AFF1: variants seen among roughly 807,000 people sequenced by gnomAD.
AFF1 encodes ALF transcription elongation factor 1, also known as AF4/FMR2 family member 1.
A neutral mutation model predicts 121.7 loss-of-function variants in AFF1; 48 were observed. The observed-to-expected ratio is 0.39, with a 90% CI of 0.31 to 0.50. The LOEUF (loss-of-function observed/expected upper bound fraction) is 0.50, where lower values mean the gene tolerates loss of function less well. AFF1 is among the 20% of genes least tolerant of loss of function. The probability of loss-of-function intolerance (pLI) is 0.76; values close to 1 mark genes in which losing one functional copy is unlikely to be tolerated. For missense variants in AFF1, 1,523 were observed against 1,511.7 expected, an observed-to-expected ratio of 1.01 and a Z score of -0.12; for synonymous variants, 613 against 563.0, an observed-to-expected ratio of 1.09 and a Z score of -1.26.
intron 2 of AFF1, chr4:86,949,712 C>T (rs886142748): frequency 4.2e-5 from 66 of 1,585,894 alleles, no homozygotes; most frequent in African/African-American, 9.4e-5. Context: ...CGGGTAGTCC[C>T]GGAACTCCTT....
chr4:87,105,248 C>A (rs1339894805), intron 8 of AFF1, among the ~76,000 whole-genome samples: 1 of 152,286 alleles, frequency 6.6e-6, no homozygotes, highest in East Asian at 1.9e-4. Context: ...TATCCCTCCC[C>A]ATTTGTTTTG....
chr4:86,956,912 T>C (rs1346115848), intron 2 of AFF1, among the ~76,000 whole-genome samples: 1 of 152,204 alleles, frequency 6.6e-6, no homozygotes, highest in African/African-American at 2.4e-5. Flanking sequence ...AGGAGAGGAA[T>C]TGCTTGCCTC....
chr4:87,129,729 T>C (rs887703761), intron 16 of AFF1, among the ~76,000 whole-genome samples: 1 of 152,242 alleles, frequency 6.6e-6, no homozygotes, highest in African/African-American at 2.4e-5. Flanking sequence ...TTCTGAAATA[T>C]ACATGTATAC....
At position 87,140,343 on chromosome 4, in the gene AFF1, TTGTG is replaced by T. The variant is rs562150754; in HGVS notation, c.*4650_*4653del. On this transcript the variant is annotated 3_prime_UTR_variant, in exon 21 of 21. Transcript: ENST00000395146. ...CAAGTATACACTGTTCATGTTGGGG[TTGTG>T]TGTGTGTATGTGTGTATGTACGCAC... 4 of 198,358 alleles carry T rather than the reference TTGTG, an allele frequency of 2.0e-5. No individual in the cohort carries two copies. The highest frequency in any genetic ancestry group is 6.1e-5 in the Admixed American group (1 of 16,492). 12.3% of individuals were successfully genotyped at this position (198,358 alleles called of 1,614,324 possible).
At chr4:87,081,913 GA>G (rs887984149) in intron 4 of AFF1, among the ~76,000 whole-genome samples, 17 of 151,856 alleles carry the variant, frequency 1.1e-4, no homozygotes, top group Admixed American at 3.3e-4. Context: ...AACTCTTGGG[GA>G]AAAAAAACAT....
intron 14 of AFF1, 129 bp from the exon 15 acceptor site, chr4:87,126,897 T>C: frequency 1.3e-6 from 1 of 759,344 alleles, no homozygotes; most frequent in South Asian, 1.7e-5. Context: ...TTAGCCAGGG[T>C]AGATTGTGCA....
intron 11 of AFF1, among the ~76,000 whole-genome samples, chr4:87,109,996 T>C (rs1009944543): frequency 2.0e-5 from 3 of 152,218 alleles, no homozygotes; most frequent in African/African-American, 7.2e-5. Flanking sequence ...ACTACATCTC[T>C]TTCCTTTTAC....
chr4:87,075,530 C>G (rs1343271805), intron 4 of AFF1, among the ~76,000 whole-genome samples: 1 of 152,120 alleles, frequency 6.6e-6, no homozygotes, highest in South Asian at 2.1e-4. Context: ...CTCAAGGAAG[C>G]GTACGTACAT....
At chr4:87,060,686 A>G (rs1720653945) in intron 4 of AFF1, among the ~76,000 whole-genome samples, 1 of 151,914 alleles carries the variant, frequency 6.6e-6, no homozygotes, top group South Asian at 2.1e-4. Context: ...TAAAAATACA[A>G]AAATTAGCCA....
In AFF1 at chr4:86,951,615, C is replaced by CTTTTTTTTTTTTTTTTTTTTT. The variant is rs748093135; in HGVS notation, c.38+3051_38+3052insTTTTTTTTTTTTTTTTTTTTT. ...GAACTTTTTTTTCTTTTTCTTTTTT[C>CTTTTTTTTTTTTTTTTTTTTT]TTTTTTTCTTTTTTTTTTTTTTTTT... On this transcript the variant is annotated intron_variant, in intron 2 of 20. Coordinates refer to ENST00000395146, the MANE Select transcript of AFF1 (RefSeq NM_001166693.3). 1.7e-4 allele frequency among the ~76,000 whole-genome samples: 21 copies of CTTTTTTTTTTTTTTTTTTTTT among 124,942 alleles called. 1 individual carries two copies. Among genetic ancestry groups the CTTTTTTTTTTTTTTTTTTTTT allele is most frequent in the South Asian group, 6.9e-4 (3 of 4,366 alleles). 82.0% of individuals were successfully genotyped at this position (124,942 alleles called of 152,430 possible).
In AFF1 at chr4:87,134,544, G is replaced by T. The variant is rs562170200; in HGVS notation, c.3385G>T (p.Gly1129Cys). 6.2e-7 allele frequency: 1 copy of T among 1,614,068 alleles called. No individual in the cohort carries two copies. The highest frequency in any genetic ancestry group is 1.3e-5 in the African/African-American group (1 of 75,038). Reference sequence around the variant, plus strand: ...CTCCGTAGGGTCCCAGTCAAGTGCTGGCAGTGTGGGGAGCAGTGGGGTGGC... The same window carrying T: ...CTCCGTAGGGTCCCAGTCAAGTGCTTGCAGTGTGGGGAGCAGTGGGGTGGC... Reference protein sequence around the residue: ...ASSVGSQSSAGSVGSSGVAAT... With the variant: ...ASSVGSQSSACSVGSSGVAAT... Residue 1129 changes from glycine (G) to cysteine (C), a missense_variant, in exon 20 of 21, where the codon GGC becomes TGC. Gly to Cys is a radical substitution (Grantham distance 159, BLOSUM62 -3). Transcript: ENST00000395146.
chr4:86,989,683 C>T (rs1724549057), intron 2 of AFF1, among the ~76,000 whole-genome samples: 2 of 152,142 alleles, frequency 1.3e-5, no homozygotes, highest in South Asian at 4.1e-4. Flanking sequence ...TGGGTATATA[C>T]CCAAAGGATT....
chr4:87,067,944 G>A (rs551723763), intron 4 of AFF1, among the ~76,000 whole-genome samples: 47 of 152,040 alleles, frequency 3.1e-4, no homozygotes, highest in Middle Eastern at 3.2e-3. Context: ...AGTTTTATGG[G>A]TAGTATTCTA....
At chr4:87,005,248 G>A (rs1005241916) in intron 2 of AFF1, among the ~76,000 whole-genome samples, 6 of 152,184 alleles carry the variant, frequency 3.9e-5, no homozygotes, top group African/African-American at 1.4e-4. Flanking sequence ...CAAAGTGCTG[G>A]GATTACAGGC....
intron 2 of AFF1, among the ~76,000 whole-genome samples, chr4:87,033,503 C>A (rs937811889): frequency 2.6e-5 from 4 of 152,144 alleles, no homozygotes; most frequent in African/African-American, 9.7e-5. Flanking sequence ...TAGAATGTAC[C>A]TCATTCAGTT....
At chr4:87,006,855 G>T in intron 2 of AFF1, 1 of 652,690 alleles carries the variant, frequency 1.5e-6, no homozygotes, top group Non-Finnish European at 1.9e-6. Flanking sequence ...ACCCGACCCT[G>T]CCTGCCGCTT....
intron 2 of AFF1, among the ~76,000 whole-genome samples, chr4:87,022,700 GTA>G (rs200354872): frequency 2.5e-4 from 37 of 146,070 alleles, no homozygotes; most frequent in African/African-American, 8.4e-4. Context: ...ATATCTGTGT[GTA>G]TATATATATC....
At chr4:87,100,512 T>TA (rs1268573777) in intron 8 of AFF1, among the ~76,000 whole-genome samples, 1 of 152,168 alleles carries the variant, frequency 6.6e-6, no homozygotes, top group East Asian at 1.9e-4. Flanking sequence ...CTACCCTGTA[T>TA]AAAAGAGTGA....
chr4:87,038,053 C>T (rs1729744706), intron 2 of AFF1, among the ~76,000 whole-genome samples: 1 of 152,164 alleles, frequency 6.6e-6, no homozygotes, highest in South Asian at 2.1e-4. Context: ...AGTGCTAATG[C>T]ATTGAGATAA....
Sources: allele counts gnomAD v4.1 joint callset (sites outside exome capture counted in the v4.1 genomes callset), GRCh38; gene constraint gnomAD v4.1.1; transcripts MANE v1.5; gene names NCBI Gene and HGNC (gene_info 2026-07-23, HGNC 2026-07-21).